Variants in MVK observed in about 807,000 individuals in gnomAD.
The protein encoded by MVK is mevalonate kinase, also known as LH receptor mRNA-binding protein.
MVK carries 34 observed loss-of-function variants against 43.2 expected under a neutral mutation model. The observed-to-expected ratio is 0.79, with a 90% confidence interval of 0.60 to 1.05. MVK has a LOEUF of 1.05. Ranked by LOEUF, MVK falls within the 50% of genes least tolerant of loss-of-function variation. The pLI is 0.00. For missense variants in MVK, 395 were observed against 504.0 expected (o/e 0.78, Z 2.07); for synonymous variants, 190 against 219.8 (o/e 0.86, Z 1.20).
At chr12:109,591,697 C>T (rs528189470) in intron 9 of MVK, among the ~76,000 whole-genome samples, 1 of 152,216 alleles carries the variant, frequency 6.6e-6, no homozygotes, top group East Asian at 1.9e-4. Flanking sequence ...AGTGCTCTGT[C>T]GGTGCAGGGG....
Position 109,579,791 on chromosome 12 carries a change from C to T in MVK, c.227-11C>T. 1.2e-6 allele frequency: 2 copies of T among 1,614,212 alleles called. No homozygotes were observed. Among genetic ancestry groups the T allele is most frequent in the South Asian group, 1.1e-5 (1 of 91,080 alleles). ...CACCCACTTGTGTTTGCTTGTTTGC[C>T]TGTGGAACAGAGCAAGGTGATGTCA... On this transcript the variant is annotated splice_polypyrimidine_tract_variant and intron_variant, in intron 3 of 10. Coordinates refer to ENST00000228510, the MANE Select transcript of MVK (RefSeq NM_000431.4).
chr12:109,586,705 G>A, intron 6 of MVK, 49 bp from the exon 7 acceptor site: 1 of 1,606,674 alleles, frequency 6.2e-7, no homozygotes, highest in Non-Finnish European at 8.5e-7. Flanking sequence ...AAGTAGCACA[G>A]ATATGTTAGC....
intron 7 of MVK, 120 bp downstream of exon 7, chr12:109,586,919 A>T (rs958907356): frequency 1.6e-6 from 2 of 1,216,362 alleles, no homozygotes; most frequent in South Asian, 2.5e-5. Context: ...TCATCCCCCA[A>T]TGTGGCCCTC....
intron 10 of MVK, 130 bp from the exon 11 acceptor site, chr12:109,596,296 G>A: frequency 3.0e-6 from 4 of 1,334,898 alleles, no homozygotes; most frequent in Non-Finnish European, 4.1e-6. Flanking sequence ...TGGGCTTTAT[G>A]GCCTGTTGGC....
chr12:109,591,422 GCAATC>G, intron 9 of MVK, 65 bp downstream of exon 9: 1 of 1,474,760 alleles, frequency 6.8e-7, no homozygotes, highest in Non-Finnish European at 9.4e-7. Context: ...CAGTGGCTCT[GCAATC>G]TGGCTGTGCT....
intron 3 of MVK, chr12:109,579,180 T>C: frequency 2.3e-6 from 1 of 434,934 alleles, no homozygotes; most frequent in South Asian, 1.7e-5. Flanking sequence ...CACTCTGTTA[T>C]GCAGCCTGGA....
At chr12:109,580,022 C>T in intron 4 of MVK, 76 bp downstream of exon 4, 2 of 1,593,038 alleles carry the variant, frequency 1.3e-6, no homozygotes, top group Non-Finnish European at 1.7e-6. Context: ...GTCATTGCTG[C>T]TGGAGAATGC....
intron 5 of MVK, among the ~76,000 whole-genome samples, chr12:109,585,083 G>T (rs1330587819): frequency 6.6e-6 from 1 of 152,238 alleles, no homozygotes; most frequent in Non-Finnish European, 1.5e-5. Context: ...TGTGTTTTGG[G>T]TCTGTTCATT....
In MVK at chr12:109,579,955, G is replaced by C; in HGVS notation, c.371+9G>C. 1 of 1,614,172 alleles carries C rather than the reference G, an allele frequency of 6.2e-7. No individual in the cohort carries two copies. The highest frequency in any genetic ancestry group is 1.1e-5 in the South Asian group (1 of 91,080). ...ATCTGCCGGAAGCAGAGGTGTGTGC[G>C]TGGTCTGGGGAAGGAGTCCAGATTC... On this transcript the variant is annotated intron_variant, in intron 4 of 10. Transcript: ENST00000228510.
At position 109,586,119 on chromosome 12, in the gene MVK, A is replaced by G. The variant is rs104895302; in HGVS notation, c.625A>G (p.Thr209Ala). The G allele has an allele frequency of 6.2e-7, 1 of 1,613,100 alleles. No homozygotes were observed. Among genetic ancestry groups the G allele is most frequent in the Non-Finnish European group, 8.5e-7 (1 of 1,179,012 alleles). Residue 209 changes from threonine to alanine, a missense_variant, in exon 6 of 11, where the codon ACC becomes GCC. By Grantham distance (58) the Thr-to-Ala change is moderately conservative. Transcript: ENST00000228510. ...NPSGVDNAVSTWGGALRYHQG... is the reference protein window; with the variant it reads ...NPSGVDNAVSAWGGALRYHQG... ...CTCCGGAGTGGACAATGCTGTCAGC[A>G]CCTGGGGTAGGTGTGGCCTCAGGTT...
chr12:109,596,480 TTGAC>T lies in MVK; in HGVS notation c.1097_1100del (p.Asp366AlafsTer110), dbSNP rs104895372. On this transcript the variant is annotated frameshift_variant, in exon 11 of 11. Coordinates refer to ENST00000228510, the MANE Select transcript of MVK (RefSeq NM_000431.4). LOFTEE classifies it high-confidence loss of function. ...AAGCAGGCCCTGACCAGCTGTGGCT[TTGAC>T]TGCTTGGAAACCAGCATCGGTGCCC... 3.1e-6 allele frequency: 5 copies of T among 1,613,690 alleles called. No individual in the cohort carries two copies. The highest frequency in any genetic ancestry group is 4.2e-6 in the Non-Finnish European group (5 of 1,179,960).
In MVK at chr12:109,597,061, A is replaced by G; in HGVS notation, c.*484A>G. 2 of 224,100 alleles carry G rather than the reference A, an allele frequency of 8.9e-6. No homozygotes were observed. The highest frequency in any genetic ancestry group is 1.8e-5 in the Non-Finnish European group (2 of 109,964). 13.9% of individuals were successfully genotyped at this position (224,100 alleles called of 1,614,324 possible). Reference sequence around the variant, plus strand: ...ACCCCTTGTCGCCCCTCCCTCCCAGAGCACCTGCTGTCTGGGTGGCTCACT... The same window carrying G: ...ACCCCTTGTCGCCCCTCCCTCCCAGGGCACCTGCTGTCTGGGTGGCTCACT... On this transcript the variant is annotated 3_prime_UTR_variant, in exon 11 of 11. Coordinates refer to ENST00000228510, the MANE Select transcript of MVK (RefSeq NM_000431.4).
At chr12:109,592,871 T>C (rs1223310217) in intron 9 of MVK, among the ~76,000 whole-genome samples, 1 of 152,054 alleles carries the variant, frequency 6.6e-6, no homozygotes, top group East Asian at 1.9e-4. Context: ...TCCTTCCACA[T>C]AGAAAGGAGG....
chr12:109,596,346 T>A, intron 10 of MVK, 80 bp from the exon 11 acceptor site: 1 of 1,548,366 alleles, frequency 6.5e-7, no homozygotes. Context: ...CAGGAAGGCC[T>A]GGGCTTTTGC....
chr12:109,575,460 C>T (rs1884904180), intron 2 of MVK, among the ~76,000 whole-genome samples: 1 of 151,830 alleles, frequency 6.6e-6, no homozygotes, highest in Non-Finnish European at 1.5e-5. Context: ...TGCTCTGTCA[C>T]CGGAGTGCAA....
In MVK at chr12:109,575,008, G is replaced by A. The variant is rs897325114; in HGVS notation, c.78+108G>A. 1.3e-5 allele frequency: 14 copies of A among 1,105,860 alleles called. No individual in the cohort carries two copies. In the African/African-American group the frequency reaches 1.9e-4, roughly 15 times the overall value. 68.5% of individuals were successfully genotyped at this position (1,105,860 alleles called of 1,614,324 possible). On this transcript the variant is annotated intron_variant, in intron 2 of 10. Coordinates refer to ENST00000228510, the MANE Select transcript of MVK (RefSeq NM_000431.4). ...AGGCACAGCTTGGGAGCAGATCAGA[G>A]AGATCAGGTTCTCCCCAGCCAGGCA...
Position 109,588,790 on chromosome 12 carries a change from C to T in MVK, c.678-1981C>T, listed in dbSNP as rs1345688147. On this transcript the variant is annotated intron_variant, in intron 7 of 10. Transcript: ENST00000228510. ...CGCAGGGAACAAAACAAAGCCCCGC[C>T]TCCGTGGAACTCATACTTTGTTGGG... The T allele has an allele frequency of 9.2e-5, 14 of 152,412 alleles. No homozygotes were observed. In the East Asian group the frequency reaches 2.7e-3, roughly 29 times the overall value. 9.4% of individuals were successfully genotyped at this position (152,412 alleles called of 1,614,324 possible).
Position 109,595,229 on chromosome 12 carries a change from G to A in MVK, c.1039+48G>A, listed in dbSNP as rs767363230. 7.5e-6 allele frequency: 12 copies of A among 1,610,138 alleles called. No homozygotes were observed. Among genetic ancestry groups the A allele is most frequent in the Non-Finnish European group, 1.0e-5 (12 of 1,178,964 alleles). Reference sequence around the variant, plus strand: ...AGGCTGCCAGCCTGGGCTCCTAAGAGGGGTCCACCTGGAGAATTCCCTTGA... The same window carrying A: ...AGGCTGCCAGCCTGGGCTCCTAAGAAGGGTCCACCTGGAGAATTCCCTTGA... On this transcript the variant is annotated intron_variant, in intron 10 of 10. Transcript: ENST00000228510. This position sits in a 1 kb window ranked among gnomAD's most constrained non-coding sequence, Gnocchi z 5.9.
chr12:109,595,212 A>G lies in MVK; in HGVS notation c.1039+31A>G. 6.2e-7 allele frequency: 1 copy of G among 1,613,126 alleles called. No homozygotes were observed. The highest frequency in any genetic ancestry group is 8.5e-7 in the Non-Finnish European group (1 of 1,179,920). On this transcript the variant is annotated intron_variant, in intron 10 of 10. Coordinates refer to ENST00000228510, the MANE Select transcript of MVK (RefSeq NM_000431.4). The surrounding 1 kb of genome is among the most constrained non-coding windows in gnomAD (Gnocchi z 5.9). ...CCGGGGGTAGGTGGGCCAGGCTGCC[A>G]GCCTGGGCTCCTAAGAGGGGTCCAC...
Sources: gnomAD v4.1 joint callset for allele counts (sites outside exome capture counted in the v4.1 genomes callset) on GRCh38, gnomAD v4.1.1 for gene constraint, Gnocchi (gnomAD v3.1) non-coding constraint, MANE v1.5 for transcripts, NCBI Gene and HGNC (gene_info 2026-07-23, HGNC 2026-07-21) for gene names.